ESRRG: variants seen among roughly 807,000 people sequenced by gnomAD.
ESRRG encodes the protein estrogen-related receptor gamma.
A neutral mutation model predicts 44.0 loss-of-function variants in ESRRG; 13 were observed. The ratio of observed to expected loss-of-function variants is 0.30; its 90% confidence interval spans 0.19 to 0.47. The LOEUF (loss-of-function observed/expected upper bound fraction) is 0.47, where lower values mean the gene tolerates loss of function less well. Ranked by LOEUF, ESRRG falls within the 20% of genes least tolerant of loss-of-function variation. The pLI, the probability that ESRRG is intolerant of heterozygous loss-of-function variation, is 1.00. For missense variants in ESRRG, 395 were observed against 580.6 expected, an observed-to-expected ratio of 0.68 and a Z score of 3.29; for synonymous variants, 215 against 214.6, an observed-to-expected ratio of 1.00 and a Z score of -0.02.
At chr1:217,073,031 G>T (rs2090765986) in intron 1 of ESRRG, among the ~76,000 whole-genome samples, 1 of 151,812 alleles carries the variant, frequency 6.6e-6, no homozygotes, top group Non-Finnish European at 1.5e-5. Context: ...GCACTGATGT[G>T]CTTGTTGACT....
chr1:216,656,632 G>A (rs758426079), intron 2 of ESRRG, among the ~76,000 whole-genome samples: 1 of 152,152 alleles, frequency 6.6e-6, no homozygotes, highest in Non-Finnish European at 1.5e-5. Context: ...CAGTTTGGCA[G>A]TGAAAGGGCT....
At chr1:216,949,308 A>G (rs1341601227) in intron 1 of ESRRG, among the ~76,000 whole-genome samples, 1 of 152,202 alleles carries the variant, frequency 6.6e-6, no homozygotes. Context: ...TTACTGCAAA[A>G]TAAGTGAAAT....
intron 1 of ESRRG, among the ~76,000 whole-genome samples, chr1:216,680,454 T>TAAGC (rs1203469692): frequency 6.6e-5 from 10 of 152,240 alleles, no homozygotes; most frequent in Admixed American, 4.6e-4. Flanking sequence ...TTTTAATAAA[T>TAAGC]AAGCAAGCAA....
chr1:216,775,549 A>ATTTTTT (rs2093573280), intron 2 of ESRRG, among the ~76,000 whole-genome samples: 1 of 82,890 alleles, frequency 1.2e-5, no homozygotes, highest in Non-Finnish European at 2.5e-5. Flanking sequence ...AAAATGTCAC[A>ATTTTTT]TCTTTTTTTT....
At chr1:217,127,568 T>G (rs2092908825) in intron 1 of ESRRG, among the ~76,000 whole-genome samples, 4 of 152,204 alleles carry the variant, frequency 2.6e-5, no homozygotes, top group Admixed American at 2.6e-4. Flanking sequence ...CTGAAATCCC[T>G]GGATTATTTT....
intron 2 of ESRRG, among the ~76,000 whole-genome samples, chr1:216,658,840 G>C (rs1372674714): frequency 7.3e-6 from 1 of 136,434 alleles, no homozygotes; most frequent in Non-Finnish European, 1.6e-5. Context: ...CTCCAAAAAA[G>C]AAAGTAAAAG....
chr1:216,764,570 AG>A (rs34824638), intron 2 of ESRRG, among the ~76,000 whole-genome samples: 2 of 144,580 alleles, frequency 1.4e-5, no homozygotes, highest in Non-Finnish European at 3.1e-5. Flanking sequence ...TGCCCGGCCC[AG>A]GGGGGGACTC....
chr1:216,520,319 T>C (rs181622403), intron 5 of ESRRG, among the ~76,000 whole-genome samples: 6 of 152,210 alleles, frequency 3.9e-5, no homozygotes, highest in Non-Finnish European at 8.8e-5. Flanking sequence ...TGAAATTCAG[T>C]AAGTGTTGTT....
intron 2 of ESRRG, among the ~76,000 whole-genome samples, chr1:216,764,318 G>A (rs2092957726): frequency 6.6e-6 from 1 of 151,430 alleles, no homozygotes; most frequent in Non-Finnish European, 1.5e-5. Flanking sequence ...CCCCCAAGGT[G>A]GAGTGTAGTG....
intron 1 of ESRRG, among the ~76,000 whole-genome samples, chr1:217,027,882 C>T (rs1006645852): frequency 2.6e-5 from 4 of 152,112 alleles, no homozygotes; most frequent in African/African-American, 7.2e-5. Flanking sequence ...TAAGAGTATC[C>T]CTTGTGCATA....
At chr1:216,564,075 A>G (rs2059259311) in intron 5 of ESRRG, 144 bp downstream of exon 5, 1 of 480,388 alleles carries the variant, frequency 2.1e-6, no homozygotes, top group African/African-American at 2.0e-5. Context: ...TAGGATATGC[A>G]AAACTCTAAA....
chr1:216,697,077 T>C (rs1435254223), intron 1 of ESRRG, among the ~76,000 whole-genome samples: 2 of 151,992 alleles, frequency 1.3e-5, no homozygotes, highest in Non-Finnish European at 2.9e-5. Flanking sequence ...GTGATTCTCA[T>C]GCCTCAGCCT....
intron 3 of ESRRG, among the ~76,000 whole-genome samples, chr1:216,597,655 T>C (rs1446760385): frequency 1.3e-5 from 2 of 152,222 alleles, no homozygotes; most frequent in South Asian, 4.1e-4. Context: ...CTCCCATAAC[T>C]GCAGAAAGTT....
At chr1:216,514,959 T>TACACACACACACAC (rs35668576) in intron 6 of ESRRG, among the ~76,000 whole-genome samples, 1 of 149,156 alleles carries the variant, frequency 6.7e-6, no homozygotes, top group African/African-American at 2.5e-5. Context: ...TTTTACTTTA[T>TACACACACACACAC]ACACACACAC....
chr1:216,742,976 A>C (rs2090944144), intron 2 of ESRRG, among the ~76,000 whole-genome samples: 1 of 152,092 alleles, frequency 6.6e-6, no homozygotes, highest in African/African-American at 2.4e-5. Context: ...GCATCTTTCA[A>C]ATTTGCTTCA....
In ESRRG at chr1:216,575,210, C is replaced by T. The variant is rs185429301; in HGVS notation, c.590-7112G>A. 7.2e-5 allele frequency among the ~76,000 whole-genome samples: 11 copies of T among 152,036 alleles called. No homozygotes were observed. In the East Asian group the frequency reaches 7.7e-4, roughly 11 times the overall value. Reference sequence around the variant, plus strand: ...AGTGAACATTATTTGTATATTCACACGTATACTCCAAGGAGGATCTAAGCA... The same window carrying T: ...AGTGAACATTATTTGTATATTCACATGTATACTCCAAGGAGGATCTAAGCA... On this transcript the variant is annotated intron_variant, in intron 3 of 6. Coordinates refer to ENST00000408911, the MANE Select transcript of ESRRG (RefSeq NM_001438.4).
At chr1:216,834,678 G>A (rs920892763) in intron 2 of ESRRG, among the ~76,000 whole-genome samples, 37 of 152,166 alleles carry the variant, frequency 2.4e-4, no homozygotes, top group Admixed American at 7.2e-4. Flanking sequence ...GGTCAAGACT[G>A]GAATGTACAA....
At chr1:216,549,680 C>T (rs2055668563) in intron 5 of ESRRG, among the ~76,000 whole-genome samples, 1 of 152,110 alleles carries the variant, frequency 6.6e-6, no homozygotes, top group Non-Finnish European at 1.5e-5. Flanking sequence ...TGCACGTCTT[C>T]ACAGAGAATG....
chr1:216,524,345 A>G (rs2149002877), intron 5 of ESRRG, among the ~76,000 whole-genome samples: 1 of 148,276 alleles, frequency 6.7e-6, no homozygotes, highest in South Asian at 2.1e-4. Context: ...AGCTAGAGTT[A>G]AGCAGCTACA....
Sources: allele counts gnomAD v4.1 joint callset (sites outside exome capture counted in the v4.1 genomes callset), GRCh38; gene constraint gnomAD v4.1.1; transcripts MANE v1.5; gene names NCBI Gene and HGNC (gene_info 2026-07-23, HGNC 2026-07-21).